Variants in ANO3 observed in about 807,000 individuals in gnomAD.
The protein encoded by ANO3 is anoctamin-3.
In ANO3, 99 loss-of-function variants were observed where a neutral mutation model predicts 144.8. That is an observed-to-expected ratio of 0.68 (90% CI 0.58 to 0.81). ANO3 has a LOEUF of 0.81. Among genes scored for constraint, ANO3 ranks in the 30% least tolerant of loss-of-function variants. ANO3 has a pLI of 0.00. For synonymous variants in ANO3, 414 were observed against 392.6 expected, an observed-to-expected ratio of 1.05 and a Z score of -0.64; for missense variants, 905 against 1,202.2, an observed-to-expected ratio of 0.75 and a Z score of 3.66.
intron 1 of ANO3, among the ~76,000 whole-genome samples, chr11:26,311,342 C>A (rs1854498301): frequency 6.6e-6 from 1 of 152,200 alleles, no homozygotes; most frequent in African/African-American, 2.4e-5. Context: ...GTTCTAGCTG[C>A]TTCTGCCCTC....
chr11:26,363,716 A>G (rs1277915178), intron 1 of ANO3, among the ~76,000 whole-genome samples: 1 of 152,060 alleles, frequency 6.6e-6, no homozygotes, highest in Non-Finnish European at 1.5e-5. Context: ...GGTTGTTTTT[A>G]TATTGTTGAG....
At chr11:26,312,251 A>G (rs1181974103) in intron 1 of ANO3, among the ~76,000 whole-genome samples, 4 of 152,186 alleles carry the variant, frequency 2.6e-5, no homozygotes, top group African/African-American at 4.8e-5. Context: ...TCATTGATGG[A>G]CATTTGGGTT....
chr11:26,630,010 C>T (rs1410031827), intron 18 of ANO3, among the ~76,000 whole-genome samples: 3 of 152,100 alleles, frequency 2.0e-5, no homozygotes, highest in Admixed American at 1.3e-4. Context: ...TTGCGCTGTC[C>T]TTGAAGGGTT....
chr11:26,457,131 C>T (rs1045176575), intron 3 of ANO3, among the ~76,000 whole-genome samples: 2 of 147,798 alleles, frequency 1.4e-5, no homozygotes, highest in East Asian at 2.1e-4. Context: ...TGCTAGATGA[C>T]GAGTTAGTGG....
chr11:26,222,899 G>C (rs957413388), intron 1 of ANO3, among the ~76,000 whole-genome samples: 13 of 152,290 alleles, frequency 8.5e-5, no homozygotes, highest in Non-Finnish European at 1.8e-4. Context: ...GACCTGTGGT[G>C]GGAAGAGCTG....
intron 5 of ANO3, among the ~76,000 whole-genome samples, chr11:26,511,651 G>C (rs911524716): frequency 3.9e-5 from 6 of 152,268 alleles, no homozygotes; most frequent in African/African-American, 1.2e-4. Context: ...GCAGTGGTAT[G>C]GTCTGGAGGG....
At chr11:26,213,567 C>T (rs1851978124) in intron 1 of ANO3, among the ~76,000 whole-genome samples, 2 of 152,108 alleles carry the variant, frequency 1.3e-5, no homozygotes, top group African/African-American at 4.8e-5. Context: ...ATACAACTTA[C>T]AAGGGATGTG....
At chr11:26,339,542 A>G (rs1759618143) in intron 1 of ANO3, among the ~76,000 whole-genome samples, 1 of 152,220 alleles carries the variant, frequency 6.6e-6, no homozygotes, top group African/African-American at 2.4e-5. Context: ...TAAACAGCTG[A>G]AAAGCATTTC....
At chr11:26,476,636 C>T (rs2134079859) in intron 4 of ANO3, among the ~76,000 whole-genome samples, 1 of 150,668 alleles carries the variant, frequency 6.6e-6, no homozygotes, top group African/African-American at 2.5e-5. Context: ...CACTCTGCCC[C>T]TTTGGGTGGG....
At chr11:26,251,355 T>C (rs1230301537) in intron 1 of ANO3, among the ~76,000 whole-genome samples, 1 of 152,214 alleles carries the variant, frequency 6.6e-6, no homozygotes, top group Non-Finnish European at 1.5e-5. Flanking sequence ...CTTAAAGATA[T>C]AGGCTTTGAA....
In ANO3 at chr11:26,315,339, T is replaced by C. The variant is rs111541921; in HGVS notation, c.-3+5620T>C. Among the ~76,000 whole-genome samples the C allele has an allele frequency of 3.9e-3, 594 of 152,328 alleles. 2 individuals are homozygous for C. The highest frequency in any genetic ancestry group is 7.3e-3 in the Non-Finnish European group (499 of 68,028). On this transcript the variant is annotated intron_variant, in intron 1 of 26. Transcript: ENST00000525139. ...TTCTAATCTTCTGCTCTCCATCTTGTTTCTGGCAGCACTCTGAAAGTCTCT... is the reference window on the plus strand; with the variant it reads ...TTCTAATCTTCTGCTCTCCATCTTGCTTCTGGCAGCACTCTGAAAGTCTCT...
At chr11:26,653,563 A>T (rs1014547814) in intron 24 of ANO3, among the ~76,000 whole-genome samples, 2 of 152,058 alleles carry the variant, frequency 1.3e-5, no homozygotes, top group Non-Finnish European at 2.9e-5. Context: ...TCTAAGAGCC[A>T]AAATCCTCCT....
At chr11:26,609,440 G>T (rs998438873) in intron 17 of ANO3, among the ~76,000 whole-genome samples, 6 of 151,586 alleles carry the variant, frequency 4.0e-5, no homozygotes, top group African/African-American at 1.5e-4. Context: ...TCCTGCAGGT[G>T]CAGGATATCA....
chr11:26,261,209 C>T (rs1414841485), intron 1 of ANO3, among the ~76,000 whole-genome samples: 1 of 152,090 alleles, frequency 6.6e-6, no homozygotes, highest in Non-Finnish European at 1.5e-5. Context: ...TGGCTTTTCA[C>T]TATTTTTTTT....
At chr11:26,358,982 G>A (rs1363835967) in intron 1 of ANO3, among the ~76,000 whole-genome samples, 1 of 152,054 alleles carries the variant, frequency 6.6e-6, no homozygotes, top group African/African-American at 2.4e-5. Context: ...ACATATGGTG[G>A]AGTACAGTTA....
chr11:26,258,247 G>C (rs768134980), intron 1 of ANO3, among the ~76,000 whole-genome samples: 3 of 152,008 alleles, frequency 2.0e-5, no homozygotes, highest in Non-Finnish European at 4.4e-5. Flanking sequence ...TCTTTTATAT[G>C]GATCTGGACA....
intron 1 of ANO3, among the ~76,000 whole-genome samples, chr11:26,283,315 TAAATAA>T (rs1853720139): frequency 8.3e-5 from 5 of 60,154 alleles, no homozygotes; most frequent in South Asian, 6.9e-4. Context: ...AATAAACAAA[TAAATAA>T]ATATATATAT....
At chr11:26,595,460 G>GTTTTTTTTTTTTTTTTTTTTTTT (rs201712393) in intron 14 of ANO3, among the ~76,000 whole-genome samples, 14 of 101,388 alleles carry the variant, frequency 1.4e-4, no homozygotes, top group African/African-American at 4.2e-4. Context: ...AGATAGAGTT[G>GTTTTTTTTTTTTTTTTTTTTTTT]TTTTTTTTTT....
chr11:26,595,821 C>T (rs541728772), intron 14 of ANO3, among the ~76,000 whole-genome samples: 15 of 152,254 alleles, frequency 9.9e-5, no homozygotes, highest in Admixed American at 2.0e-4. Flanking sequence ...TAGTAAGCTA[C>T]TTTTTTGCTT....
Sources: allele counts gnomAD v4.1 joint callset (sites outside exome capture counted in the v4.1 genomes callset), GRCh38; gene constraint gnomAD v4.1.1; transcripts MANE v1.5; gene names NCBI Gene and HGNC (gene_info 2026-07-23, HGNC 2026-07-21).